C1orf21: variants seen among roughly 807,000 people sequenced by gnomAD.
The protein encoded by C1orf21 is uncharacterized protein C1orf21.
A neutral mutation model predicts 18.7 loss-of-function variants in C1orf21; 3 were observed. The observed-to-expected ratio is 0.16, with a 90% confidence interval of 0.07 to 0.42. The LOEUF (loss-of-function observed/expected upper bound fraction) is 0.42, where lower values mean the gene tolerates loss of function less well. C1orf21 is among the 10% of genes least tolerant of loss of function. C1orf21 has a pLI of 0.99. For missense variants in C1orf21, 104 were observed against 143.6 expected (o/e 0.72, Z 1.41); for synonymous variants, 41 against 46.4 (o/e 0.88, Z 0.47).
At chr1:184,491,276 A>G (rs1657813045) in intron 2 of C1orf21, among the ~76,000 whole-genome samples, 1 of 152,166 alleles carries the variant, frequency 6.6e-6, no homozygotes, top group Non-Finnish European at 1.5e-5. Context: ...TTCATTCAGA[A>G]AAAGCAAAAC....
intron 3 of C1orf21, among the ~76,000 whole-genome samples, chr1:184,577,908 T>G (rs1659215485): frequency 1.3e-5 from 2 of 151,998 alleles, no homozygotes. Context: ...ATGTTTATTC[T>G]GTAGTAGTCA....
At chr1:184,489,436 A>G (rs1244230642) in intron 2 of C1orf21, among the ~76,000 whole-genome samples, 1 of 152,240 alleles carries the variant, frequency 6.6e-6, no homozygotes, top group African/African-American at 2.4e-5. Context: ...CAGATTGGGC[A>G]GGAACAGGTG....
chr1:184,447,347 T>G (rs865886008), intron 1 of C1orf21, among the ~76,000 whole-genome samples: 8 of 152,204 alleles, frequency 5.3e-5, no homozygotes, highest in African/African-American at 1.9e-4. Context: ...GCCTTCCAAG[T>G]GTCCATGATT....
chr1:184,393,244 G>T (rs1434036260), intron 1 of C1orf21, among the ~76,000 whole-genome samples: 1 of 152,070 alleles, frequency 6.6e-6, no homozygotes, highest in Non-Finnish European at 1.5e-5. Context: ...TGTCTATCTG[G>T]CTCCTCCCAC....
Position 184,507,571 on chromosome 1 carries a change from C to T in C1orf21, c.95-17C>T. 6.4e-7 allele frequency: 1 copy of T among 1,565,208 alleles called. No individual in the cohort carries two copies. The highest frequency in any genetic ancestry group is 8.6e-7 in the Non-Finnish European group (1 of 1,160,340). ...GGAAAAAAATTATAAAATGTGTTTTCTTTTTTTGGCACTCAGATGAGTATA... is the reference window on the plus strand; with the variant it reads ...GGAAAAAAATTATAAAATGTGTTTTTTTTTTTTGGCACTCAGATGAGTATA... On this transcript the variant is annotated splice_polypyrimidine_tract_variant and intron_variant, in intron 2 of 5. Coordinates refer to ENST00000235307, the MANE Select transcript of C1orf21 (RefSeq NM_030806.4).
In C1orf21 at chr1:184,518,938, C is replaced by CA. The variant is rs1658267340; in HGVS notation, c.189+11257dup. 2.6e-5 allele frequency among the ~76,000 whole-genome samples: 4 copies of CA among 151,998 alleles called. No individual in the cohort carries two copies. The South Asian group carries it at 8.3e-4, about 32-fold the overall frequency. ...AGATTTCAAGCAGAAGGAATAGTGT[C>CA]ACCCCGGCATGGAGACGTGGCATGA... On this transcript the variant is annotated intron_variant, in intron 3 of 5. Transcript: ENST00000235307.
chr1:184,548,214 A>AACACACACACACACACACACACACACAC (rs58174774), intron 3 of C1orf21, among the ~76,000 whole-genome samples: 1 of 139,984 alleles, frequency 7.1e-6, no homozygotes, highest in African/African-American at 2.7e-5. Flanking sequence ...TCAAATCCCC[A>AACACACACACACACACACACACACACAC]ACACACACAC....
At position 184,624,087 on chromosome 1, in the gene C1orf21, A is replaced by T. The variant is rs1410881428; in HGVS notation, c.*4531A>T. 6.6e-6 allele frequency: 1 copy of T among 152,662 alleles called. No homozygotes were observed. Among genetic ancestry groups the T allele is most frequent in the African/African-American group, 2.4e-5 (1 of 41,448 alleles). The allele number at this position is 152,662 out of a possible 1,614,324, so 9.5% of individuals were successfully genotyped here. A position where few individuals can be genotyped will look rare whatever the true frequency, so the allele number is the denominator to read the frequency against. On this transcript the variant is annotated 3_prime_UTR_variant, in exon 6 of 6. Transcript: ENST00000235307. ...TAGATCTTAAGTGTGGAATGCATCT[A>T]TCCAACATAAATGCCCATGTTGAAA...
At chr1:184,431,595 C>G (rs1443922820) in intron 1 of C1orf21, among the ~76,000 whole-genome samples, 1 of 152,118 alleles carries the variant, frequency 6.6e-6, no homozygotes, top group Non-Finnish European at 1.5e-5. Flanking sequence ...AAAGCAATAG[C>G]AACAAAAGCC....
chr1:184,540,723 G>A (rs962516572), intron 3 of C1orf21, among the ~76,000 whole-genome samples: 1 of 152,200 alleles, frequency 6.6e-6, no homozygotes, highest in Non-Finnish European at 1.5e-5. Flanking sequence ...GAGCCACCGT[G>A]CCCAGCCAGG....
At chr1:184,405,632 A>G (rs960872704) in intron 1 of C1orf21, among the ~76,000 whole-genome samples, 6 of 152,168 alleles carry the variant, frequency 3.9e-5, no homozygotes, top group Admixed American at 1.3e-4. Context: ...GGAGCATTCA[A>G]ATGAGCATTT....
In C1orf21 at chr1:184,610,571, G is replaced by A. The variant is rs115721759; in HGVS notation, c.328-8947G>A. Among the ~76,000 whole-genome samples, 1,122 of 152,308 alleles carry A rather than the reference G, an allele frequency of 7.4e-3. 15 individuals are homozygous for A. The highest frequency in any genetic ancestry group is 0.026 in the African/African-American group (1,080 of 41,562). On this transcript the variant is annotated intron_variant, in intron 5 of 5. Transcript: ENST00000235307. Reference sequence around the variant, plus strand: ...ACGTGGCTTAAAGCTTCTAGGCCAGGCGCGGTGGCTCACGCCTGTAATCCC... The same window carrying A: ...ACGTGGCTTAAAGCTTCTAGGCCAGACGCGGTGGCTCACGCCTGTAATCCC...
intron 5 of C1orf21, among the ~76,000 whole-genome samples, chr1:184,611,731 T>C (rs1659738606): frequency 6.6e-6 from 1 of 152,172 alleles, no homozygotes. Context: ...GCTTCATTAA[T>C]CAGGATGCTG....
chr1:184,426,718 G>T (rs1442727444), intron 1 of C1orf21, among the ~76,000 whole-genome samples: 2 of 152,058 alleles, frequency 1.3e-5, no homozygotes, highest in East Asian at 1.9e-4. Context: ...ATAATTATTT[G>T]TATAATTATT....
At chr1:184,469,505 T>G (rs1329041759) in intron 1 of C1orf21, among the ~76,000 whole-genome samples, 3 of 152,228 alleles carry the variant, frequency 2.0e-5, no homozygotes, top group East Asian at 1.9e-4. Flanking sequence ...TTTTCAGATG[T>G]GTGCATGGGC....
At chr1:184,554,493 A>G (rs1243896317) in intron 3 of C1orf21, among the ~76,000 whole-genome samples, 1 of 152,234 alleles carries the variant, frequency 6.6e-6, no homozygotes. Flanking sequence ...AATTTGAATT[A>G]CAATAAAAGG....
intron 2 of C1orf21, among the ~76,000 whole-genome samples, chr1:184,479,377 C>T (rs1657618517): frequency 1.3e-5 from 2 of 152,262 alleles, no homozygotes; most frequent in South Asian, 4.2e-4. Context: ...TTTATGGAGC[C>T]GTCACCATGT....
chr1:184,513,492 A>T (rs1367799233), intron 3 of C1orf21, among the ~76,000 whole-genome samples: 5 of 152,234 alleles, frequency 3.3e-5, no homozygotes, highest in Non-Finnish European at 1.5e-5. Context: ...GCGTATGAAA[A>T]TACGTTCCGT....
intron 5 of C1orf21, among the ~76,000 whole-genome samples, chr1:184,614,142 A>C (rs957270728): frequency 4.3e-4 from 66 of 152,156 alleles, no homozygotes; most frequent in Admixed American, 1.4e-3. Flanking sequence ...CCCATTTCTC[A>C]CCTAGACAGT....
Sources: gnomAD v4.1 joint callset for allele counts (sites outside exome capture counted in the v4.1 genomes callset) on GRCh38, gnomAD v4.1.1 for gene constraint, MANE v1.5 for transcripts, NCBI Gene and HGNC (gene_info 2026-07-23, HGNC 2026-07-21) for gene names.